The following ARHGAP18 variants were observed in gnomAD, a reference collection of about 807,000 sequenced individuals.
ARHGAP18 encodes rho GTPase-activating protein 18.
ARHGAP18 carries 67 observed loss-of-function variants against 86.2 expected under a neutral mutation model. The ratio of observed to expected loss-of-function variants is 0.78; its 90% confidence interval spans 0.64 to 0.95. The LOEUF is 0.95. ARHGAP18 is among the 40% of genes least tolerant of loss of function. The pLI, the probability that ARHGAP18 is intolerant of heterozygous loss-of-function variation, is 0.00. For synonymous variants in ARHGAP18, 283 were observed against 280.4 expected, an observed-to-expected ratio of 1.01 and a Z score of -0.09; for missense variants, 691 against 780.4, an observed-to-expected ratio of 0.89 and a Z score of 1.37.
At chr6:129,636,184 G>A (rs1326002996) in intron 3 of ARHGAP18, among the ~76,000 whole-genome samples, 1 of 152,152 alleles carries the variant, frequency 6.6e-6, no homozygotes, top group Non-Finnish European at 1.5e-5. Flanking sequence ...ACCACTGGGT[G>A]GTAAGCAAGT....
intron 1 of ARHGAP18, among the ~76,000 whole-genome samples, chr6:129,648,916 A>G (rs1773641072): frequency 6.6e-6 from 1 of 152,212 alleles, no homozygotes; most frequent in Non-Finnish European, 1.5e-5. Context: ...AAATGACCCA[A>G]GTCATTTTTA....
intron 1 of ARHGAP18, among the ~76,000 whole-genome samples, chr6:129,700,980 T>A (rs1450314989): frequency 6.9e-6 from 1 of 145,656 alleles, no homozygotes; most frequent in African/African-American, 2.6e-5. Context: ...GGCTTAGGTA[T>A]AAAGGAACAC....
At chr6:129,599,179 A>C in intron 12 of ARHGAP18, 37 bp downstream of exon 12, 2 of 1,426,676 alleles carry the variant, frequency 1.4e-6, no homozygotes, top group Non-Finnish European at 1.8e-6. Flanking sequence ...AAAATACTTA[A>C]GATCTGAATA....
At position 129,577,071 on chromosome 6, in the gene ARHGAP18, A is replaced by C. The variant is rs149500865; in HGVS notation, c.*1442T>G. Reference sequence around the variant, plus strand: ...AAAATACTCATAAACACATAGGATTAAAAGTAATGATTCCAAGAGAAGATA... The same window carrying C: ...AAAATACTCATAAACACATAGGATTCAAAGTAATGATTCCAAGAGAAGATA... On this transcript the variant is annotated 3_prime_UTR_variant, in exon 15 of 15. Transcript: ENST00000368149. The C allele has an allele frequency of 3.3e-5, 5 of 152,310 alleles. No individual in the cohort carries two copies. In the East Asian group the frequency reaches 9.6e-4, roughly 29 times the overall value. The allele number at this position is 152,310 out of a possible 1,614,324, so 9.4% of individuals were successfully genotyped here. A position where few individuals can be genotyped will look rare whatever the true frequency, so the allele number is the denominator to read the frequency against.
chr6:129,680,210 A>G (rs896232527), intron 1 of ARHGAP18, among the ~76,000 whole-genome samples: 4 of 152,174 alleles, frequency 2.6e-5, no homozygotes, highest in South Asian at 4.1e-4. Context: ...GGAAGCCACT[A>G]TCAGACAATC....
intron 1 of ARHGAP18, among the ~76,000 whole-genome samples, chr6:129,651,842 A>C (rs532277058): frequency 2.6e-5 from 4 of 152,230 alleles, no homozygotes; most frequent in African/African-American, 7.2e-5. Flanking sequence ...TTCCCCACCA[A>C]ATTCATATAC....
At chr6:129,692,682 T>C (rs577916593) in intron 1 of ARHGAP18, among the ~76,000 whole-genome samples, 1 of 152,308 alleles carries the variant, frequency 6.6e-6, no homozygotes, top group South Asian at 2.1e-4. Context: ...GAACATGTCA[T>C]ACAGGGACAC....
At chr6:129,599,144 T>A in intron 12 of ARHGAP18, 72 bp downstream of exon 12, 2 of 1,265,494 alleles carry the variant, frequency 1.6e-6, no homozygotes, top group South Asian at 4.0e-5. Flanking sequence ...TATGAAAACA[T>A]TAAATAAAAA....
At position 129,583,987 on chromosome 6, in the gene ARHGAP18, C is replaced by T; in HGVS notation, c.1838+1G>A. 1.9e-6 allele frequency: 3 copies of T among 1,612,776 alleles called. No individual in the cohort carries two copies. The highest frequency in any genetic ancestry group is 2.5e-6 in the Non-Finnish European group (3 of 1,179,264). Reference sequence around the variant, plus strand: ...ATAATTAACACAAAACAGGCCTCTACCTTTCTTGGCTGAGAAACCTGGCAA... The same window carrying T: ...ATAATTAACACAAAACAGGCCTCTATCTTTCTTGGCTGAGAAACCTGGCAA... On this transcript the variant is annotated splice_donor_variant, in intron 13 of 14. Coordinates refer to ENST00000368149, the MANE Select transcript of ARHGAP18 (RefSeq NM_033515.3). LOFTEE classifies it high-confidence loss of function.
chr6:129,578,253 C>T lies in ARHGAP18; in HGVS notation c.*260G>A, dbSNP rs1788219189. 1 of 179,262 alleles carries T rather than the reference C, an allele frequency of 5.6e-6. No homozygotes were observed. The highest frequency in any genetic ancestry group is 1.2e-5 in the Non-Finnish European group (1 of 86,646). 11.1% of individuals were successfully genotyped at this position (179,262 alleles called of 1,614,324 possible). Reference sequence around the variant, plus strand: ...TCACATCTGGACACATTTCACAGAGCATATGAAAACTGCCCACAAACTAAT... The same window carrying T: ...TCACATCTGGACACATTTCACAGAGTATATGAAAACTGCCCACAAACTAAT... On this transcript the variant is annotated 3_prime_UTR_variant, in exon 15 of 15. Transcript: ENST00000368149.
chr6:129,695,065 C>T (rs17057628), intron 1 of ARHGAP18, among the ~76,000 whole-genome samples: 15,356 of 151,956 alleles, frequency 0.1, 803 homozygotes, highest in Admixed American at 0.14. Context: ...ACATATAAAG[C>T]GACAGCCATG....
chr6:129,646,785 TGA>T (rs1233404531), intron 1 of ARHGAP18, among the ~76,000 whole-genome samples: 1 of 152,170 alleles, frequency 6.6e-6, no homozygotes, highest in Non-Finnish European at 1.5e-5. Context: ...TGTATTCTCA[TGA>T]GAGAGTGAGA....
At chr6:129,709,571 G>A (rs1406092854) in intron 1 of ARHGAP18, among the ~76,000 whole-genome samples, 1 of 151,928 alleles carries the variant, frequency 6.6e-6, no homozygotes, top group Admixed American at 6.5e-5. Context: ...AAGAGAGGGG[G>A]GAAAAAAAAC....
chr6:129,636,826 G>A (rs909047100), intron 3 of ARHGAP18, among the ~76,000 whole-genome samples: 6 of 152,216 alleles, frequency 3.9e-5, no homozygotes, highest in Admixed American at 2.6e-4. Flanking sequence ...GCAGTGAGCC[G>A]AGATTGCACT....
In ARHGAP18 at chr6:129,710,111, C is replaced by A. The variant is rs778674538; in HGVS notation, c.26G>T (p.Gly9Val). Residue 9 changes from glycine (G) to valine (V), a missense_variant, in exon 1 of 15, where the codon GGA becomes GTA. Transcript: ENST00000368149. ...GGGGTGGTAGGCTGTTAGTACCACT[C>A]CCTGGGAACTGGAGAGCCAGCTCAT... is the stretch of plus-strand genomic sequence containing the variant. MSWLSSSQGVVLTAYHPSG... is the reference protein window; with the variant it reads MSWLSSSQVVVLTAYHPSG... The A allele has an allele frequency of 6.2e-7, 1 of 1,613,734 alleles. No individual in the cohort carries two copies. The highest frequency in any genetic ancestry group is 1.3e-5 in the African/African-American group (1 of 74,936).
chr6:129,581,080 G>A (rs1234885376), intron 13 of ARHGAP18, among the ~76,000 whole-genome samples: 1 of 152,168 alleles, frequency 6.6e-6, no homozygotes, highest in Admixed American at 6.5e-5. Context: ...CTTTTCAAAT[G>A]CTCTATAGTG....
At chr6:129,686,014 G>A (rs1471524524) in intron 1 of ARHGAP18, among the ~76,000 whole-genome samples, 3 of 152,134 alleles carry the variant, frequency 2.0e-5, no homozygotes, top group African/African-American at 4.8e-5. Flanking sequence ...GGGCGGAGGG[G>A]CAGAAAAATC....
At chr6:129,668,362 T>TCACACACACAAA (rs748770270) in intron 1 of ARHGAP18, among the ~76,000 whole-genome samples, 4 of 137,848 alleles carry the variant, frequency 2.9e-5, no homozygotes, top group Admixed American at 1.5e-4. Context: ...ACCCAAATAA[T>TCACACACACAAA]CACACACACA....
At chr6:129,643,629 G>C (rs766884232) in intron 1 of ARHGAP18, among the ~76,000 whole-genome samples, 1 of 151,808 alleles carries the variant, frequency 6.6e-6, no homozygotes, top group Non-Finnish European at 1.5e-5. Flanking sequence ...GACAATAGTT[G>C]AATAACTGTT....
Sources: allele counts gnomAD v4.1 joint callset (sites outside exome capture counted in the v4.1 genomes callset), GRCh38; gene constraint gnomAD v4.1.1; transcripts MANE v1.5; gene names NCBI Gene and HGNC (gene_info 2026-07-23, HGNC 2026-07-21).